Variants in EYS observed in about 807,000 individuals in gnomAD.
The protein encoded by EYS is protein eyes shut homolog.
EYS carries 250 observed loss-of-function variants against 282.1 expected under a neutral mutation model. The ratio of observed to expected loss-of-function variants is 0.89; its 90% CI spans 0.80 to 0.98. EYS has a LOEUF of 0.98. Among genes scored for constraint, EYS ranks in the 50% least tolerant of loss-of-function variants. The pLI is 0.00. For missense variants in EYS, 4,016 were observed against 3,709.0 expected (o/e 1.08, Z -2.15); for synonymous variants, 1,355 against 1,282.9 (o/e 1.06, Z -1.20).
At chr6:64,939,392 A>G (rs1769015200) in intron 15 of EYS, among the ~76,000 whole-genome samples, 1 of 151,908 alleles carries the variant, frequency 6.6e-6, no homozygotes, top group South Asian at 2.1e-4. Flanking sequence ...ACATTTATAC[A>G]TTTAAATCAC....
chr6:64,464,201 G>A (rs1775845787), intron 26 of EYS, among the ~76,000 whole-genome samples: 1 of 152,106 alleles, frequency 6.6e-6, no homozygotes, highest in African/African-American at 2.4e-5. Context: ...CAAAAATCAT[G>A]TGATCATCTC....
At chr6:64,647,557 C>T (rs1212422929) in intron 22 of EYS, among the ~76,000 whole-genome samples, 1 of 152,120 alleles carries the variant, frequency 6.6e-6, no homozygotes, top group Non-Finnish European at 1.5e-5. Flanking sequence ...AGGAAAGATG[C>T]TTTATGGCAC....
At chr6:63,860,414 C>A (rs1251535501) in intron 36 of EYS, among the ~76,000 whole-genome samples, 6 of 152,204 alleles carry the variant, frequency 3.9e-5, no homozygotes, top group Non-Finnish European at 8.8e-5. Flanking sequence ...TCTTGCATGG[C>A]AATCTAGAAG....
chr6:65,106,603 C>A (rs899058750), intron 12 of EYS, among the ~76,000 whole-genome samples: 1 of 152,004 alleles, frequency 6.6e-6, no homozygotes, highest in African/African-American at 2.4e-5. Flanking sequence ...TTTCCTGATG[C>A]ATCGATCCTA....
At chr6:64,576,293 G>T (rs1203208545) in intron 26 of EYS, among the ~76,000 whole-genome samples, 2 of 152,048 alleles carry the variant, frequency 1.3e-5, no homozygotes, top group Non-Finnish European at 2.9e-5. Flanking sequence ...TTCTTTGGAA[G>T]TAACTTCCAC....
At chr6:65,637,982 C>A (rs1461052539) in intron 2 of EYS, among the ~76,000 whole-genome samples, 3 of 152,190 alleles carry the variant, frequency 2.0e-5, no homozygotes, top group African/African-American at 7.2e-5. Flanking sequence ...GCAGGGATGG[C>A]CTGAAGCCTG....
intron 26 of EYS, among the ~76,000 whole-genome samples, chr6:64,546,579 C>T (rs1229995300): frequency 1.3e-5 from 2 of 152,182 alleles, no homozygotes; most frequent in African/African-American, 4.8e-5. Context: ...TCAGAATGAA[C>T]AGGCAACCTA....
chr6:64,843,899 T>C (rs928712942), intron 19 of EYS, among the ~76,000 whole-genome samples: 9 of 152,094 alleles, frequency 5.9e-5, no homozygotes, highest in Non-Finnish European at 1.0e-4. Flanking sequence ...ATTCCACGTG[T>C]TGTGGGAGGG....
At chr6:63,894,541 A>G (rs1426104822) in intron 35 of EYS, among the ~76,000 whole-genome samples, 1 of 151,974 alleles carries the variant, frequency 6.6e-6, no homozygotes, top group Non-Finnish European at 1.5e-5. Flanking sequence ...TCTGACTTCC[A>G]GAACTGGGAG....
At chr6:65,529,425 G>A (rs1767681906) in intron 2 of EYS, among the ~76,000 whole-genome samples, 1 of 152,150 alleles carries the variant, frequency 6.6e-6, no homozygotes. Context: ...AAGATACCAG[G>A]TGATACAATT....
intron 12 of EYS, among the ~76,000 whole-genome samples, chr6:65,210,405 T>G (rs1766144410): frequency 6.6e-6 from 1 of 152,010 alleles, no homozygotes; most frequent in Admixed American, 6.6e-5. Context: ...ATGGCAGAAT[T>G]ATCTTCCCAC....
chr6:64,261,598 C>A (rs1173210959), intron 30 of EYS, among the ~76,000 whole-genome samples: 1 of 152,000 alleles, frequency 6.6e-6, no homozygotes, highest in African/African-American at 2.4e-5. Flanking sequence ...ATGTTCTCTT[C>A]TCTGTTAACT....
chr6:65,098,707 ATGG>A (rs1359290984), intron 12 of EYS, among the ~76,000 whole-genome samples: 1 of 150,822 alleles, frequency 6.6e-6, no homozygotes, highest in Non-Finnish European at 1.5e-5. Flanking sequence ...CAGCAACTAA[ATGG>A]TGTTTACAAC....
chr6:63,902,323 A>G (rs182919050), intron 35 of EYS, among the ~76,000 whole-genome samples: 5 of 152,332 alleles, frequency 3.3e-5, no homozygotes, highest in Non-Finnish European at 4.4e-5. Flanking sequence ...AAAGTGAAAT[A>G]AAGACATTAT....
At chr6:64,693,114 G>A (rs1431994850) in intron 22 of EYS, among the ~76,000 whole-genome samples, 1 of 149,656 alleles carries the variant, frequency 6.7e-6, no homozygotes, top group African/African-American at 2.4e-5. Flanking sequence ...TAAGAAAAAT[G>A]TAAATTAGTT....
intron 9 of EYS, among the ~76,000 whole-genome samples, chr6:65,352,915 T>C (rs1764341730): frequency 6.6e-6 from 1 of 151,948 alleles, no homozygotes; most frequent in South Asian, 2.1e-4. Flanking sequence ...TAATATAATG[T>C]TTTTACAAAT....
rs1768422946 is a variant in EYS at position 64,923,610 on chromosome 6, G to A, written c.2382-10867C>T. 2.0e-5 allele frequency among the ~76,000 whole-genome samples: 3 copies of A among 152,154 alleles called. No individual in the cohort carries two copies. The South Asian group carries it at 6.2e-4, about 31-fold the overall frequency. ...GCAAGTCCCTTCCACCTATGTGTCTGTAAAATCAAAAGCAAGATAGTTATT... is the reference window on the plus strand; with the variant it reads ...GCAAGTCCCTTCCACCTATGTGTCTATAAAATCAAAAGCAAGATAGTTATT... On this transcript the variant is annotated intron_variant, in intron 15 of 42. Transcript: ENST00000503581.
intron 13 of EYS, among the ~76,000 whole-genome samples, chr6:65,006,951 C>T (rs1010718561): frequency 3.9e-5 from 6 of 152,178 alleles, no homozygotes; most frequent in Non-Finnish European, 8.8e-5. Context: ...CTGTTGTTTA[C>T]AAGAATGCAT....
chr6:64,599,558 T>C (rs1766699094), intron 24 of EYS, among the ~76,000 whole-genome samples: 1 of 152,172 alleles, frequency 6.6e-6, no homozygotes, highest in African/African-American at 2.4e-5. Flanking sequence ...AATTTCTGTT[T>C]AAATACATTA....
Sources: gnomAD v4.1 joint callset for allele counts (sites outside exome capture counted in the v4.1 genomes callset) on GRCh38, gnomAD v4.1.1 for gene constraint, MANE v1.5 for transcripts, NCBI Gene and HGNC (gene_info 2026-07-23, HGNC 2026-07-21) for gene names.